Variants in S100Z observed in about 807,000 individuals in gnomAD.
S100Z encodes S100 calcium binding protein Z, also known as protein S100-Z.
A neutral mutation model predicts 8.5 loss-of-function variants in S100Z; 11 were observed. The observed-to-expected ratio is 1.30, with a 90% CI of 0.82 to 2.15. S100Z has a LOEUF of 2.15. Among genes scored for constraint, S100Z ranks in the 30% most tolerant of loss-of-function variants. The pLI is 0.00. For synonymous variants in S100Z, 34 were observed against 43.8 expected, an observed-to-expected ratio of 0.78 and a Z score of 0.89; for missense variants, 126 against 117.9, an observed-to-expected ratio of 1.07 and a Z score of -0.32.
chr5:76,907,808 T>C (rs1162031640), intron 4 of S100Z, among the ~76,000 whole-genome samples: 1 of 152,132 alleles, frequency 6.6e-6, no homozygotes, highest in African/African-American at 2.4e-5. Flanking sequence ...AAAATTCTAA[T>C]GTAAAAAAAT....
chr5:76,944,820 G>A, the S100Z span, among the ~76,000 whole-genome samples: 22 of 152,280 alleles, frequency 1.4e-4, no homozygotes, highest in Admixed American at 1.2e-3. Flanking sequence ...ACTATTTAAC[G>A]ACAGACACAC....
intron 1 of S100Z, among the ~76,000 whole-genome samples, chr5:76,864,169 A>G (rs551848294): frequency 6.6e-6 from 1 of 152,250 alleles, no homozygotes; most frequent in African/African-American, 2.4e-5. Flanking sequence ...ATATATGACA[A>G]TGGTCCCATA....
At chr5:76,952,565 CA>C in the S100Z span, 2 of 152,582 alleles carry the variant, frequency 1.3e-5, no homozygotes, top group Non-Finnish European at 2.9e-5. Flanking sequence ...GAAAATGCCT[CA>C]AGTTTCTTAC....
intron 4 of S100Z, among the ~76,000 whole-genome samples, chr5:76,893,181 C>T (rs1054380259): frequency 6.6e-6 from 1 of 152,100 alleles, no homozygotes; most frequent in African/African-American, 2.4e-5. Context: ...CTTTAAACAA[C>T]AGAATGTTTG....
downstream of S100Z, among the ~76,000 whole-genome samples, chr5:76,923,013 T>TAAAAA (rs35837978): frequency 7.0e-6 from 1 of 143,312 alleles, no homozygotes; most frequent in Non-Finnish European, 1.5e-5. Flanking sequence ...AATGCCTATG[T>TAAAAA]AAAAAAAAAA....
intron 1 of S100Z, among the ~76,000 whole-genome samples, chr5:76,857,593 G>A (rs1430780298): frequency 2.0e-5 from 3 of 148,500 alleles, no homozygotes; most frequent in South Asian, 2.2e-4. Context: ...TCCACCTCCC[G>A]GTTCAAGCAA....
In S100Z at chr5:76,898,481, A is replaced by G. The variant is rs192430081; in HGVS notation, c.*2+20647A>G. On this transcript the variant is annotated intron_variant, in intron 4 of 4. Transcript: ENST00000317593. Reference sequence around the variant, plus strand: ...CGCCAAGCCAAGGTATGTTCCCTCTATCCCCAGTTTTTTGAGGGTTTTTAT... The same window carrying G: ...CGCCAAGCCAAGGTATGTTCCCTCTGTCCCCAGTTTTTTGAGGGTTTTTAT... Among the ~76,000 whole-genome samples the G allele has an allele frequency of 2.6e-4, 39 of 152,226 alleles. 1 individual carries two copies. The East Asian group carries it at 6.6e-3, about 26-fold the overall frequency.
At chr5:76,910,875 C>G (rs115793359) in intron 4 of S100Z, among the ~76,000 whole-genome samples, 13,202 of 152,236 alleles carry the variant, frequency 0.087, 1,734 homozygotes, top group African/African-American at 0.29. Flanking sequence ...CAGCCTGTAA[C>G]CAGTTGTTTC....
intron 1 of S100Z, 126 bp from the exon 2 acceptor site, chr5:76,870,040 G>T (rs1299555294): frequency 1.3e-5 from 2 of 151,672 alleles, no homozygotes; most frequent in African/African-American, 4.8e-5. Flanking sequence ...AAAAAAAATT[G>T]TGACAGAAGC....
At chr5:76,851,209 C>T (rs992295781) in intron 1 of S100Z, among the ~76,000 whole-genome samples, 5 of 152,182 alleles carry the variant, frequency 3.3e-5, no homozygotes, top group African/African-American at 1.2e-4. Flanking sequence ...ATGGGCAGCA[C>T]AGTGGCAGTG....
Position 76,861,380 on chromosome 5 carries a change from C to T in S100Z, c.-175-8786C>T, listed in dbSNP as rs145171457. On this transcript the variant is annotated intron_variant, in intron 1 of 4. Transcript: ENST00000317593. ...TTTGAGATGGAGTCTTGCTCTTTCGCCCAGGCTGGAGTGAGGTGGCGTGAA... is the reference window on the plus strand; with the variant it reads ...TTTGAGATGGAGTCTTGCTCTTTCGTCCAGGCTGGAGTGAGGTGGCGTGAA... Among the ~76,000 whole-genome samples, 1,238 of 151,954 alleles carry T rather than the reference C, an allele frequency of 8.1e-3. 9 individuals carry two copies. Among genetic ancestry groups the T allele is most frequent in the Non-Finnish European group, 0.014 (949 of 67,978 alleles).
At chr5:76,919,810 C>G (rs916739798) in intron 4 of S100Z, among the ~76,000 whole-genome samples, 2 of 151,818 alleles carry the variant, frequency 1.3e-5, no homozygotes, top group Non-Finnish European at 2.9e-5. Flanking sequence ...CATCATCCTT[C>G]CCAGGCTGGT....
intron 2 of S100Z, among the ~76,000 whole-genome samples, chr5:76,873,543 A>G (rs951892017): frequency 6.6e-6 from 1 of 152,046 alleles, no homozygotes; most frequent in African/African-American, 2.4e-5. Flanking sequence ...CCTGACCTCA[A>G]GTGATCTGCC....
intron 4 of S100Z, among the ~76,000 whole-genome samples, chr5:76,915,659 A>T (rs1228372538): frequency 1.3e-5 from 2 of 152,004 alleles, no homozygotes; most frequent in African/African-American, 4.8e-5. Flanking sequence ...TAAAAAAGAT[A>T]AAGTGGTAGG....
chr5:76,910,145 A>G (rs932063749), intron 4 of S100Z, among the ~76,000 whole-genome samples: 2 of 152,232 alleles, frequency 1.3e-5, no homozygotes, highest in African/African-American at 2.4e-5. Flanking sequence ...GATGTCCACC[A>G]TAACTCAGGG....
chr5:76,925,691 G>T (rs1201153275), downstream of S100Z, among the ~76,000 whole-genome samples: 2 of 152,116 alleles, frequency 1.3e-5, no homozygotes, highest in Non-Finnish European at 1.5e-5. Flanking sequence ...GTAAAGCCAG[G>T]CGTGGTGGCT....
At chr5:76,896,571 G>C (rs1365827026) in intron 4 of S100Z, among the ~76,000 whole-genome samples, 1 of 152,150 alleles carries the variant, frequency 6.6e-6, no homozygotes, top group Non-Finnish European at 1.5e-5. Context: ...CCAGTAGCTG[G>C]ATCACATGGT....
intron 1 of S100Z, among the ~76,000 whole-genome samples, chr5:76,869,848 A>G (rs112528190): frequency 0.017 from 2,528 of 152,152 alleles, 52 homozygotes; most frequent in African/African-American, 0.042. Context: ...GTGAAACCCC[A>G]TCTATACTAA....
chr5:76,934,181 C>T, the S100Z span, among the ~76,000 whole-genome samples: 1 of 152,174 alleles, frequency 6.6e-6, no homozygotes, highest in Non-Finnish European at 1.5e-5. Flanking sequence ...CCAAGTGTTT[C>T]TCCCAATGCA....
Sources: allele counts gnomAD v4.1 joint callset (sites outside exome capture counted in the v4.1 genomes callset), GRCh38; gene constraint gnomAD v4.1.1; transcripts MANE v1.5; gene names NCBI Gene and HGNC (gene_info 2026-07-23, HGNC 2026-07-21).